PLEKHA7: variants seen among roughly 807,000 people sequenced by gnomAD.
PLEKHA7 encodes the protein pleckstrin homology domain containing A7.
A neutral mutation model predicts 170.0 loss-of-function variants in PLEKHA7; 104 were observed. The observed-to-expected ratio is 0.61, with a 90% CI of 0.52 to 0.72. The LOEUF is 0.72. Ranked by LOEUF, PLEKHA7 falls within the 30% of genes least tolerant of loss-of-function variation. PLEKHA7 has a pLI of 0.00. For missense variants in PLEKHA7, 1,615 were observed against 1,671.7 expected (o/e 0.97, Z 0.59); for synonymous variants, 648 against 660.8 (o/e 0.98, Z 0.30).
At chr11:16,875,681 G>T (rs750191999) in intron 3 of PLEKHA7, among the ~76,000 whole-genome samples, 4 of 151,968 alleles carry the variant, frequency 2.6e-5, no homozygotes, top group Non-Finnish European at 5.9e-5. Flanking sequence ...CTGAGCTCAA[G>T]CAATCTACCC....
At chr11:16,860,777 C>G (rs1853882005) in intron 4 of PLEKHA7, among the ~76,000 whole-genome samples, 1 of 152,170 alleles carries the variant, frequency 6.6e-6, no homozygotes, top group South Asian at 2.1e-4. Context: ...GACCAACCCC[C>G]AGGTCAAGGA....
chr11:16,922,751 TACTGAGGA>T (rs1859191706), intron 3 of PLEKHA7, among the ~76,000 whole-genome samples: 1 of 152,172 alleles, frequency 6.6e-6, no homozygotes, highest in Non-Finnish European at 1.5e-5. Flanking sequence ...CCACAGCTGC[TACTGAGGA>T]ACTCAGTAAC....
At chr11:16,853,451 T>C (rs906814316) in intron 6 of PLEKHA7, among the ~76,000 whole-genome samples, 1 of 152,240 alleles carries the variant, frequency 6.6e-6, no homozygotes, top group African/African-American at 2.4e-5. Context: ...ACCTCTTATC[T>C]ATGCTTCCAT....
intron 3 of PLEKHA7, among the ~76,000 whole-genome samples, chr11:16,973,304 C>G (rs1376578398): frequency 6.6e-6 from 1 of 152,170 alleles, no homozygotes; most frequent in Non-Finnish European, 1.5e-5. Flanking sequence ...AAATCATGCC[C>G]CACACAAGGT....
At chr11:16,987,394 T>A (rs1022257872) in intron 3 of PLEKHA7, among the ~76,000 whole-genome samples, 2 of 152,118 alleles carry the variant, frequency 1.3e-5, no homozygotes, top group African/African-American at 4.8e-5. Context: ...ATACAACTTT[T>A]GCTCCCTCCT....
At chr11:16,957,094 A>G (rs967188558) in intron 3 of PLEKHA7, among the ~76,000 whole-genome samples, 3 of 152,222 alleles carry the variant, frequency 2.0e-5, no homozygotes, top group Non-Finnish European at 4.4e-5. Context: ...GGTTAGTGGC[A>G]AGAGCCTTTC....
At chr11:16,912,583 G>T (rs7129155) in intron 3 of PLEKHA7, among the ~76,000 whole-genome samples, 92,772 of 152,106 alleles carry the variant, frequency 0.61, 28,786 homozygotes, top group African/African-American at 0.7. Context: ...TACGAGACAC[G>T]GAAGGAGGGA....
At chr11:16,818,654 G>C (rs958602460) in intron 10 of PLEKHA7, among the ~76,000 whole-genome samples, 10 of 152,156 alleles carry the variant, frequency 6.6e-5, no homozygotes, top group African/African-American at 2.4e-4. Flanking sequence ...TGAAAGACAG[G>C]AACTGTGTTT....
At chr11:16,941,646 C>A (rs1860699771) in intron 3 of PLEKHA7, among the ~76,000 whole-genome samples, 1 of 152,190 alleles carries the variant, frequency 6.6e-6, no homozygotes, top group Non-Finnish European at 1.5e-5. Flanking sequence ...TCACACTCTC[C>A]TTTGAGCAAG....
intron 3 of PLEKHA7, among the ~76,000 whole-genome samples, chr11:16,949,777 A>C (rs542421934): frequency 6.6e-5 from 10 of 152,224 alleles, no homozygotes; most frequent in Admixed American, 6.5e-4. Flanking sequence ...CACGATACAG[A>C]AAGTAACAAA....
chr11:16,873,029 C>G (rs1854990460), intron 3 of PLEKHA7, among the ~76,000 whole-genome samples: 1 of 152,094 alleles, frequency 6.6e-6, no homozygotes, highest in Non-Finnish European at 1.5e-5. Context: ...TTTTCCAATT[C>G]AAATTTTTCC....
At chr11:16,906,269 AGG>A (rs1565098310) in intron 3 of PLEKHA7, among the ~76,000 whole-genome samples, 5 of 120,622 alleles carry the variant, frequency 4.1e-5, no homozygotes, top group African/African-American at 1.3e-4. Flanking sequence ...GAAGGAAGGA[AGG>A]AAGGAAGGAA....
intron 3 of PLEKHA7, among the ~76,000 whole-genome samples, chr11:16,937,205 G>T (rs1311855857): frequency 6.6e-6 from 1 of 152,186 alleles, no homozygotes; most frequent in East Asian, 1.9e-4. Flanking sequence ...TTCCTGGGAA[G>T]ACACTACAAG....
intron 3 of PLEKHA7, among the ~76,000 whole-genome samples, chr11:16,981,911 A>G (rs1228691717): frequency 6.6e-6 from 1 of 152,124 alleles, no homozygotes; most frequent in African/African-American, 2.4e-5. Context: ...CCCCGAAGGC[A>G]CCAGAAACAC....
intron 3 of PLEKHA7, among the ~76,000 whole-genome samples, chr11:16,980,129 C>T (rs1863335012): frequency 6.6e-6 from 1 of 152,220 alleles, no homozygotes; most frequent in Non-Finnish European, 1.5e-5. Flanking sequence ...TGCTTGTTTC[C>T]TTCAAAGAAA....
intron 15 of PLEKHA7, among the ~76,000 whole-genome samples, chr11:16,802,753 G>A (rs1309073603): frequency 1.3e-5 from 2 of 152,084 alleles, no homozygotes; most frequent in Admixed American, 6.5e-5. Context: ...TCACCATGTT[G>A]GTCAGGCTGG....
intron 3 of PLEKHA7, among the ~76,000 whole-genome samples, chr11:16,977,248 A>G (rs1863124180): frequency 6.6e-6 from 1 of 152,178 alleles, no homozygotes; most frequent in Admixed American, 6.5e-5. Context: ...AGAATCAGAG[A>G]GAACTCCTGG....
Position 16,791,387 on chromosome 11 carries a change from C to T in PLEKHA7, c.2746-188G>A. 1 of 618,308 alleles carries T rather than the reference C, an allele frequency of 1.6e-6. No individual in the cohort carries two copies. The highest frequency in any genetic ancestry group is 2.9e-6 in the Non-Finnish European group (1 of 348,184). The allele number at this position is 618,308 out of a possible 1,614,324, so 38.3% of individuals were successfully genotyped here. On this transcript the variant is annotated intron_variant, in intron 19 of 26. Coordinates refer to ENST00000531066, the MANE Select transcript of PLEKHA7 (RefSeq NM_001329630.2). The surrounding 1 kb of genome is among the most constrained non-coding windows in gnomAD (Gnocchi z 4.5). ...CAGTGAAGAAGGGACATGCTCTGCT[C>T]CTCTATCCCCTCAGAGGTATACAGT... is the stretch of plus-strand genomic sequence containing the variant.
At chr11:16,790,435 G>A (rs1004784519) in intron 21 of PLEKHA7, 2 of 218,904 alleles carry the variant, frequency 9.1e-6, no homozygotes, top group Non-Finnish European at 1.8e-5. Context: ...CCAGCTAATT[G>A]GCAAGTTATT....
Sources: allele counts gnomAD v4.1 joint callset (sites outside exome capture counted in the v4.1 genomes callset), GRCh38; gene constraint gnomAD v4.1.1; non-coding constraint Gnocchi (gnomAD v3.1); transcripts MANE v1.5; gene names NCBI Gene and HGNC (gene_info 2026-07-23, HGNC 2026-07-21).